TMEM132C: variants seen among roughly 807,000 people sequenced by gnomAD.
TMEM132C encodes protein phosphatase 1, regulatory subunit 152.
TMEM132C carries 29 observed loss-of-function variants against 61.4 expected under a neutral mutation model. The ratio of observed to expected loss-of-function variants is 0.47; its 90% CI spans 0.35 to 0.64. The LOEUF (loss-of-function observed/expected upper bound fraction) is 0.64. TMEM132C is among the 30% of genes least tolerant of loss of function. TMEM132C has a pLI of 0.00. For missense variants in TMEM132C, 1,408 were observed against 1,476.9 expected (o/e 0.95, Z 0.76); for synonymous variants, 656 against 633.1 (o/e 1.04, Z -0.54).
chr12:128,666,455 T>A (rs950420448), intron 4 of TMEM132C, among the ~76,000 whole-genome samples: 1 of 152,262 alleles, frequency 6.6e-6, no homozygotes, highest in Non-Finnish European at 1.5e-5. Context: ...CTACCCAGTC[T>A]ATGCTATTTT....
At position 128,655,057 on chromosome 12, in the gene TMEM132C, C is replaced by T. The variant is rs114408956; in HGVS notation, c.1306-14360C>T. 7.3e-3 allele frequency among the ~76,000 whole-genome samples: 1,105 copies of T among 152,280 alleles called. 16 individuals are homozygous for T. The highest frequency in any genetic ancestry group is 0.025 in the African/African-American group (1,050 of 41,542). ...TGTCATCAGCAACGCATTTTACTTTCGGCATCTCCTCAAGCATTTTTTAAT... is the reference window on the plus strand; with the variant it reads ...TGTCATCAGCAACGCATTTTACTTTTGGCATCTCCTCAAGCATTTTTTAAT... On this transcript the variant is annotated intron_variant, in intron 4 of 8. Transcript: ENST00000435159.
chr12:128,665,809 GCA>G (rs201568611), intron 4 of TMEM132C, among the ~76,000 whole-genome samples: 5,771 of 103,924 alleles, frequency 0.056, 519 homozygotes, highest in African/African-American at 0.21. Context: ...ACATTCACAG[GCA>G]CACACACATT....
At chr12:128,675,280 C>A (rs1954572223) in intron 5 of TMEM132C, among the ~76,000 whole-genome samples, 1 of 152,080 alleles carries the variant, frequency 6.6e-6, no homozygotes, top group Non-Finnish European at 1.5e-5. Context: ...ATTTTGCATA[C>A]CAACTCATTT....
At chr12:128,286,674 G>A (rs1286143779) in intron 1 of TMEM132C, among the ~76,000 whole-genome samples, 2 of 152,264 alleles carry the variant, frequency 1.3e-5, no homozygotes, top group East Asian at 3.9e-4. Context: ...GAACTTTGAT[G>A]GAAAGGATGA....
chr12:128,365,856 C>A (rs774270581), intron 1 of TMEM132C, among the ~76,000 whole-genome samples: 3 of 152,170 alleles, frequency 2.0e-5, no homozygotes, highest in Non-Finnish European at 4.4e-5. Flanking sequence ...GGCCAGGCTG[C>A]CCCGTTGATT....
intron 1 of TMEM132C, among the ~76,000 whole-genome samples, chr12:128,313,974 T>A (rs1463394405): frequency 6.6e-6 from 1 of 152,192 alleles, no homozygotes; most frequent in Non-Finnish European, 1.5e-5. Flanking sequence ...GATATTCCCT[T>A]CCTCCTGCAA....
Position 128,278,470 on chromosome 12 carries a change from C to G in TMEM132C, c.85+10983C>G, listed in dbSNP as rs901228619. 6.6e-6 allele frequency among the ~76,000 whole-genome samples: 1 copy of G among 152,144 alleles called. No individual in the cohort carries two copies. The highest frequency in any genetic ancestry group is 2.4e-5 in the African/African-American group (1 of 41,410). On this transcript the variant is annotated intron_variant, in intron 1 of 8. Transcript: ENST00000435159. The surrounding 1 kb of genome is among the most constrained non-coding windows in gnomAD (Gnocchi z 4.2). ...GGATCTCTCACTGCCTTCTCCTGGTCAGTTGTCTCCCTGGCCATGTCCTGG... is the reference window on the plus strand; with the variant it reads ...GGATCTCTCACTGCCTTCTCCTGGTGAGTTGTCTCCCTGGCCATGTCCTGG...
chr12:128,697,970 T>C (rs1208550449), intron 8 of TMEM132C, among the ~76,000 whole-genome samples: 2 of 152,224 alleles, frequency 1.3e-5, no homozygotes, highest in African/African-American at 2.4e-5. Flanking sequence ...TACCCAGTTA[T>C]GATACCCTCT....
chr12:128,704,601 T>C (rs1483365038), intron 8 of TMEM132C, among the ~76,000 whole-genome samples: 1 of 152,230 alleles, frequency 6.6e-6, no homozygotes, highest in East Asian at 1.9e-4. Context: ...GGTTCCTTTC[T>C]GATGTCATTG....
At chr12:128,428,651 G>C (rs1000346667) in intron 2 of TMEM132C, among the ~76,000 whole-genome samples, 4 of 152,200 alleles carry the variant, frequency 2.6e-5, no homozygotes, top group African/African-American at 9.7e-5. Context: ...TCGGGGTGCA[G>C]GTGCTGGAAG....
intron 4 of TMEM132C, among the ~76,000 whole-genome samples, chr12:128,636,560 TTGTTTG>T (rs1484276616): frequency 3.0e-5 from 3 of 100,680 alleles, no homozygotes; most frequent in African/African-American, 1.4e-4. Context: ...TTTTGGGTTT[TTGTTTG>T]TGTGTGTGTG....
intron 1 of TMEM132C, among the ~76,000 whole-genome samples, chr12:128,327,247 C>G (rs1872550528): frequency 6.7e-6 from 1 of 149,910 alleles, no homozygotes; most frequent in Admixed American, 6.6e-5. Flanking sequence ...AAAAAGAGAC[C>G]CTGTAAAATA....
At chr12:128,510,809 T>C (rs1407567076) in intron 2 of TMEM132C, among the ~76,000 whole-genome samples, 1 of 152,214 alleles carries the variant, frequency 6.6e-6, no homozygotes, top group Non-Finnish European at 1.5e-5. Flanking sequence ...TGGGCGTGGA[T>C]CACAGGGCAG....
At position 128,520,446 on chromosome 12, in the gene TMEM132C, C is replaced by T. The variant is rs1593084149; in HGVS notation, c.975-23511C>T. 2.6e-5 allele frequency among the ~76,000 whole-genome samples: 4 copies of T among 152,216 alleles called. No individual in the cohort carries two copies. The South Asian group carries it at 8.3e-4, about 32-fold the overall frequency. On this transcript the variant is annotated intron_variant, in intron 2 of 8. Transcript: ENST00000435159. ...GTCCTGAAAAGGTATAAATATGAACCCTTGGTTCACCCTTCCACTGGCTGG... is the reference window on the plus strand; with the variant it reads ...GTCCTGAAAAGGTATAAATATGAACTCTTGGTTCACCCTTCCACTGGCTGG...
At chr12:128,343,889 A>G (rs924602541) in intron 1 of TMEM132C, among the ~76,000 whole-genome samples, 2 of 152,194 alleles carry the variant, frequency 1.3e-5, no homozygotes, top group Non-Finnish European at 2.9e-5. Flanking sequence ...TATGAACAAA[A>G]CTTCATACAA....
At chr12:128,543,584 A>G (rs1354233834) in intron 2 of TMEM132C, among the ~76,000 whole-genome samples, 1 of 152,132 alleles carries the variant, frequency 6.6e-6, no homozygotes, top group Non-Finnish European at 1.5e-5. Context: ...CATGACAACT[A>G]CAAGTATCTC....
intron 2 of TMEM132C, among the ~76,000 whole-genome samples, chr12:128,511,244 A>T (rs1297402394): frequency 6.6e-6 from 1 of 152,214 alleles, no homozygotes. Flanking sequence ...AGCTGCTGTC[A>T]TTCGGCCAGC....
intron 5 of TMEM132C, among the ~76,000 whole-genome samples, chr12:128,688,050 A>G (rs2135646787): frequency 6.6e-6 from 1 of 152,196 alleles, no homozygotes; most frequent in Admixed American, 6.5e-5. Context: ...CCCCTGGGGG[A>G]TGGGATGAGG....
chr12:128,676,763 C>G (rs1284384945), intron 5 of TMEM132C, among the ~76,000 whole-genome samples: 2 of 152,202 alleles, frequency 1.3e-5, no homozygotes, highest in African/African-American at 4.8e-5. Flanking sequence ...AGAGCCATAT[C>G]CTTATGCATT....
Sources: allele counts gnomAD v4.1 joint callset (sites outside exome capture counted in the v4.1 genomes callset), GRCh38; gene constraint gnomAD v4.1.1; non-coding constraint Gnocchi (gnomAD v3.1); transcripts MANE v1.5; gene names NCBI Gene and HGNC (gene_info 2026-07-23, HGNC 2026-07-21).